SPMIP7: variants seen among roughly 807,000 people sequenced by gnomAD.
SPMIP7 encodes the protein sperm microtubule inner protein 7, also known as protein SPMIP7.
At chr7:50,139,611 G>A in the SPMIP7 span, among the ~76,000 whole-genome samples, 17 of 152,214 alleles carry the variant, frequency 1.1e-4, no homozygotes, top group East Asian at 7.7e-4. Context: ...TAAGTCAGCT[G>A]GCAAATGAAA....
the SPMIP7 span, among the ~76,000 whole-genome samples, chr7:50,133,452 T>G: frequency 6.6e-6 from 1 of 152,178 alleles, no homozygotes; most frequent in Non-Finnish European, 1.5e-5. Context: ...AAGCCATAGT[T>G]GATTTGTAAA....
At chr7:50,141,555 T>G in the SPMIP7 span, 2 of 568,446 alleles carry the variant, frequency 3.5e-6, no homozygotes, top group South Asian at 4.2e-5. Context: ...AAGGAGATTT[T>G]GGGGATTGAC....
chr7:50,145,816 A>C, the SPMIP7 span, among the ~76,000 whole-genome samples: 1 of 151,296 alleles, frequency 6.6e-6, no homozygotes, highest in South Asian at 2.1e-4. Flanking sequence ...CAGCACTTGC[A>C]GTCACCATTT....
the SPMIP7 span, among the ~76,000 whole-genome samples, chr7:50,143,165 T>C: frequency 6.9e-6 from 1 of 145,662 alleles, no homozygotes; most frequent in Admixed American, 6.8e-5. Context: ...AGCCATTTTT[T>C]TTTTTTTTTT....
the SPMIP7 span, among the ~76,000 whole-genome samples, chr7:50,109,559 A>G: frequency 6.6e-6 from 1 of 152,056 alleles, no homozygotes; most frequent in Non-Finnish European, 1.5e-5. Context: ...TATTTTTAGC[A>G]GAGACAGGTT....
chr7:50,097,116 A>C, the SPMIP7 span, among the ~76,000 whole-genome samples: 1 of 152,206 alleles, frequency 6.6e-6, no homozygotes, highest in East Asian at 1.9e-4. Flanking sequence ...ACTCTGCATA[A>C]ATAGCTCCAC....
chr7:50,130,346 G>A, the SPMIP7 span, among the ~76,000 whole-genome samples: 9 of 152,036 alleles, frequency 5.9e-5, no homozygotes, highest in South Asian at 2.1e-4. Flanking sequence ...GCAAAGTTAC[G>A]TCTTATATGG....
the SPMIP7 span, chr7:50,096,251 T>C: frequency 6.4e-7 from 1 of 1,551,482 alleles, no homozygotes; most frequent in Non-Finnish European, 8.7e-7. Context: ...CTATGGCAGG[T>C]TTGAAAAGAA....
At chr7:50,154,212 C>A in the SPMIP7 span, among the ~76,000 whole-genome samples, 8 of 152,076 alleles carry the variant, frequency 5.3e-5, no homozygotes, top group African/African-American at 1.9e-4. Flanking sequence ...TCCGTCATCG[C>A]CATAGTTACC....
chr7:50,110,194 C>T, the SPMIP7 span, among the ~76,000 whole-genome samples: 1 of 151,192 alleles, frequency 6.6e-6, no homozygotes, highest in Non-Finnish European at 1.5e-5. Flanking sequence ...TATTTGAAAG[C>T]AACAAAATAC....
the SPMIP7 span, among the ~76,000 whole-genome samples, chr7:50,102,266 G>A: frequency 6.6e-6 from 1 of 152,200 alleles, no homozygotes; most frequent in South Asian, 2.1e-4. Context: ...GGAGGTTGCA[G>A]TGAACAGAGA....
At chr7:50,151,512 C>T in the SPMIP7 span, 2 of 1,551,652 alleles carry the variant, frequency 1.3e-6, no homozygotes, top group East Asian at 2.4e-5. Flanking sequence ...CCAGCAAATT[C>T]TAATATTCCA....
At chr7:50,114,252 A>G in the SPMIP7 span, among the ~76,000 whole-genome samples, 1 of 152,176 alleles carries the variant, frequency 6.6e-6, no homozygotes, top group Non-Finnish European at 1.5e-5. Context: ...TAAATATAAA[A>G]TACTATTTTT....
chr7:50,147,565 A>G, the SPMIP7 span, among the ~76,000 whole-genome samples: 22 of 152,116 alleles, frequency 1.4e-4, no homozygotes, highest in Non-Finnish European at 2.9e-4. Context: ...TAGAGTGAGA[A>G]TTTCTATGCA....
chr7:50,111,796 C>A, the SPMIP7 span, among the ~76,000 whole-genome samples: 4 of 152,068 alleles, frequency 2.6e-5, no homozygotes, highest in Middle Eastern at 3.4e-3. Flanking sequence ...GACAGAGAGA[C>A]CACCATTAAA....
At chr7:50,128,710 A>G in the SPMIP7 span, among the ~76,000 whole-genome samples, 2 of 152,068 alleles carry the variant, frequency 1.3e-5, no homozygotes, top group African/African-American at 4.8e-5. Context: ...TGAACCACAG[A>G]ATGAAAAGTC....
chr7:50,106,795 A>C, the SPMIP7 span, among the ~76,000 whole-genome samples: 1 of 152,188 alleles, frequency 6.6e-6, no homozygotes, highest in Non-Finnish European at 1.5e-5. Context: ...ATAAATTACC[A>C]AATGGAAATT....
At chr7:50,100,931 T>C in the SPMIP7 span, among the ~76,000 whole-genome samples, 1 of 152,200 alleles carries the variant, frequency 6.6e-6, no homozygotes, top group African/African-American at 2.4e-5. Flanking sequence ...TGTGGCATCA[T>C]GTTTAATTTC....
chr7:50,128,849 G>A, the SPMIP7 span, among the ~76,000 whole-genome samples: 6 of 151,918 alleles, frequency 3.9e-5, no homozygotes, highest in African/African-American at 1.4e-4. Flanking sequence ...AACAAGTCCT[G>A]AGCCAGATAA....
Sources: gnomAD v4.1 joint callset for allele counts (sites outside exome capture counted in the v4.1 genomes callset) on GRCh38, gnomAD v4.1.1 for gene constraint, MANE v1.5 for transcripts, NCBI Gene and HGNC (gene_info 2026-07-23, HGNC 2026-07-21) for gene names.